RIPOR2: variants seen among roughly 807,000 people sequenced by gnomAD.
RIPOR2 encodes rho family-interacting cell polarization regulator 2.
RIPOR2 carries 39 observed loss-of-function variants against 114.5 expected under a neutral mutation model. The observed-to-expected ratio is 0.34, with a 90% CI of 0.26 to 0.44. The LOEUF (loss-of-function observed/expected upper bound fraction) is 0.44, where lower values mean the gene tolerates loss of function less well. RIPOR2 is among the 20% of genes least tolerant of loss of function. The probability of loss-of-function intolerance (pLI) is 1.00; values close to 1 mark genes in which losing one functional copy is unlikely to be tolerated. For synonymous variants in RIPOR2, 445 were observed against 484.4 expected, an observed-to-expected ratio of 0.92 and a Z score of 1.07; for missense variants, 1,007 against 1,255.1, an observed-to-expected ratio of 0.80 and a Z score of 2.99.
chr6:24,885,315 T>C (rs1766727014), intron 1 of RIPOR2, among the ~76,000 whole-genome samples: 1 of 152,158 alleles, frequency 6.6e-6, no homozygotes, highest in Non-Finnish European at 1.5e-5. Flanking sequence ...CTCAATCTCC[T>C]GGGCTCAAGC....
chr6:24,877,997 A>G (rs1228611452), intron 1 of RIPOR2, among the ~76,000 whole-genome samples: 1 of 152,168 alleles, frequency 6.6e-6, no homozygotes, highest in Non-Finnish European at 1.5e-5. Flanking sequence ...GACTGGGATG[A>G]GTCAGGATGA....
chr6:24,862,789 C>T (rs115011340), intron 7 of RIPOR2, among the ~76,000 whole-genome samples: 4,606 of 120,094 alleles, frequency 0.038, 219 homozygotes, highest in African/African-American at 0.12. Context: ...AAATTTTCCT[C>T]CCCCGACCAC....
chr6:24,958,585 T>C (rs1431692294), intron 1 of RIPOR2, among the ~76,000 whole-genome samples: 1 of 152,226 alleles, frequency 6.6e-6, no homozygotes, highest in Non-Finnish European at 1.5e-5. Context: ...TTATTATTCC[T>C]GAGACGTATA....
At chr6:24,865,820 CAAATAAGTATTAAAT>C (rs891000464) in intron 6 of RIPOR2, among the ~76,000 whole-genome samples, 3 of 151,834 alleles carry the variant, frequency 2.0e-5, no homozygotes, top group Non-Finnish European at 2.9e-5. Flanking sequence ...AAGTATTAAA[CAAATAAGTATTAAAT>C]AATAAAAATA....
rs901296601 is a variant in RIPOR2, at chr6:24,911,083, A to T, written c.61+24755T>A. The T allele has an allele frequency of 7.8e-6, 5 of 637,784 alleles. No homozygotes were observed. The African/African-American group carries it at 1.0e-4, about 13-fold the overall frequency. 39.5% of individuals were successfully genotyped at this position (637,784 alleles called of 1,614,324 possible). ...GGGCTGGCGGGCGCGAGGGTGGCGG[A>T]GCGCGGAGCTAGAGCGGCGGAGCGG... is the stretch of plus-strand genomic sequence containing the variant. On this transcript the variant is annotated intron_variant, in intron 1 of 21. Coordinates refer to ENST00000643898, the MANE Select transcript of RIPOR2 (RefSeq NM_001286445.3).
At chr6:24,818,913 G>C (rs994405521) in intron 19 of RIPOR2, among the ~76,000 whole-genome samples, 5 of 151,662 alleles carry the variant, frequency 3.3e-5, no homozygotes, top group Non-Finnish European at 5.9e-5. Flanking sequence ...GCCACCTAAA[G>C]GTAATTTTTT....
At chr6:24,954,007 T>C (rs618393) in intron 1 of RIPOR2, among the ~76,000 whole-genome samples, 140,918 of 152,282 alleles carry the variant, frequency 0.93, 65,632 homozygotes, top group East Asian at 0.99. Flanking sequence ...TATGCTTTCT[T>C]CTTACAGCTG....
chr6:24,969,210 T>C (rs1773665094), intron 1 of RIPOR2, among the ~76,000 whole-genome samples: 1 of 152,180 alleles, frequency 6.6e-6, no homozygotes, highest in Non-Finnish European at 1.5e-5. Context: ...TCTGGGGTGA[T>C]GCCGTTACTG....
chr6:24,894,063 T>C (rs150890756), intron 1 of RIPOR2, among the ~76,000 whole-genome samples: 55 of 152,314 alleles, frequency 3.6e-4, no homozygotes, highest in African/African-American at 7.2e-4. Flanking sequence ...GTCCAGGTGC[T>C]ATGAGGAGCA....
At chr6:24,953,830 A>G (rs936044895) in intron 1 of RIPOR2, among the ~76,000 whole-genome samples, 2 of 152,162 alleles carry the variant, frequency 1.3e-5, no homozygotes, top group Admixed American at 6.5e-5. Context: ...TCGTCATCAA[A>G]CCTAAGCATA....
chr6:24,926,613 G>GCT (rs1770874552), intron 1 of RIPOR2, among the ~76,000 whole-genome samples: 1 of 152,094 alleles, frequency 6.6e-6, no homozygotes, highest in Non-Finnish European at 1.5e-5. Context: ...AGTCGCAATA[G>GCT]CTCTGCTTTA....
chr6:24,853,658 T>C (rs1581604517), intron 8 of RIPOR2, among the ~76,000 whole-genome samples: 1 of 152,176 alleles, frequency 6.6e-6, no homozygotes, highest in African/African-American at 2.4e-5. Flanking sequence ...ACCTTTAAAA[T>C]AGGGTAACAG....
intron 13 of RIPOR2, 69 bp from the exon 14 acceptor site, chr6:24,839,341 C>T: frequency 6.8e-7 from 1 of 1,467,864 alleles, no homozygotes. Flanking sequence ...ACACGATGCT[C>T]AATTGGAGAT....
chr6:24,827,039 G>A (rs1760250317), intron 18 of RIPOR2, among the ~76,000 whole-genome samples: 1 of 151,990 alleles, frequency 6.6e-6, no homozygotes, highest in African/African-American at 2.4e-5. Context: ...CGTGTAATAA[G>A]AGCCTAGAGA....
chr6:25,005,740 T>TATATATATATATATATACACAC (rs1491374316), intron 1 of RIPOR2, among the ~76,000 whole-genome samples: 1 of 104,510 alleles, frequency 9.6e-6, no homozygotes, highest in Non-Finnish European at 2.0e-5. Flanking sequence ...TATATATATA[T>TATATATATATATATATACACAC]ACATTTACCG....
chr6:24,811,657 C>CT (rs1222503239), intron 20 of RIPOR2, among the ~76,000 whole-genome samples: 2,081 of 21,656 alleles, frequency 0.096, 182 homozygotes, highest in East Asian at 0.32. Flanking sequence ...TCGTTTAGTA[C>CT]TTTTTTTTTT....
chr6:24,852,014 G>A (rs1477785733), intron 9 of RIPOR2, among the ~76,000 whole-genome samples: 4 of 149,970 alleles, frequency 2.7e-5, no homozygotes, highest in African/African-American at 9.8e-5. Context: ...CACTTTGGGA[G>A]GCCGAAGGGT....
intron 1 of RIPOR2, among the ~76,000 whole-genome samples, chr6:25,003,215 T>C (rs1775396056): frequency 6.6e-6 from 1 of 152,104 alleles, no homozygotes; most frequent in Non-Finnish European, 1.5e-5. Context: ...AGCATGCATT[T>C]CTAAAACACA....
intron 1 of RIPOR2, among the ~76,000 whole-genome samples, chr6:24,976,058 C>T (rs1221612544): frequency 6.6e-6 from 1 of 152,032 alleles, no homozygotes; most frequent in African/African-American, 2.4e-5. Context: ...TAAAGAAATG[C>T]TAGCGGAAAG....
Sources: allele counts gnomAD v4.1 joint callset (sites outside exome capture counted in the v4.1 genomes callset), GRCh38; gene constraint gnomAD v4.1.1; transcripts MANE v1.5; gene names NCBI Gene and HGNC (gene_info 2026-07-23, HGNC 2026-07-21).